Variants in AGBL4 observed in about 807,000 individuals in gnomAD.
AGBL4 encodes the protein cytosolic carboxypeptidase 6.
Under a neutral mutation model 66.4 loss-of-function variants are expected in AGBL4, and 58 were observed. The ratio of observed to expected loss-of-function variants is 0.87; its 90% CI spans 0.71 to 1.09. AGBL4 has a LOEUF of 1.09. Among genes scored for constraint, AGBL4 ranks in the 50% least tolerant of loss-of-function variants. The pLI, the probability that AGBL4 is intolerant of heterozygous loss-of-function variation, is 0.00. For synonymous variants in AGBL4, 234 were observed against 222.9 expected, an observed-to-expected ratio of 1.05 and a Z score of -0.44; for missense variants, 579 against 631.0, an observed-to-expected ratio of 0.92 and a Z score of 0.88.
At chr1:48,690,993 C>T (rs1019869617) in intron 6 of AGBL4, among the ~76,000 whole-genome samples, 4 of 151,702 alleles carry the variant, frequency 2.6e-5, no homozygotes, top group African/African-American at 9.7e-5. Context: ...GGTGAAACCC[C>T]GTCTCTACTA....
intron 1 of AGBL4, among the ~76,000 whole-genome samples, chr1:49,948,188 A>G (rs1481834890): frequency 2.0e-5 from 2 of 98,674 alleles, no homozygotes; most frequent in South Asian, 3.3e-4. Flanking sequence ...AACTATATAT[A>G]AATATATATA....
Position 49,833,865 on chromosome 1 carries a change from G to T in AGBL4, c.157+17531C>A, listed in dbSNP as rs372388519. On this transcript the variant is annotated intron_variant, in intron 2 of 13. Transcript: ENST00000371839. The stretch of plus-strand genomic sequence containing the variant: ...TTTTGTATCCTGAGACTCTGCTGAA[G>T]TTGCTTATCAGCTTAAGGAGATTTT... Among the ~76,000 whole-genome samples, 18 of 152,290 alleles carry T rather than the reference G, an allele frequency of 1.2e-4. No individual in the cohort carries two copies. The East Asian group carries it at 1.3e-3, about 11-fold the overall frequency.
At chr1:48,772,436 C>T (rs1022108175) in intron 6 of AGBL4, among the ~76,000 whole-genome samples, 12 of 152,150 alleles carry the variant, frequency 7.9e-5, no homozygotes, top group Non-Finnish European at 7.3e-5. Context: ...GCAGAGGCCC[C>T]ATATCAGACA....
At chr1:49,137,934 C>T (rs1277285039) in intron 4 of AGBL4, among the ~76,000 whole-genome samples, 10 of 151,832 alleles carry the variant, frequency 6.6e-5, no homozygotes, top group Non-Finnish European at 1.3e-4. Flanking sequence ...TTGAAGCTGC[C>T]TGAAAGAAAT....
intron 6 of AGBL4, among the ~76,000 whole-genome samples, chr1:48,733,692 T>A (rs1251432758): frequency 6.6e-6 from 1 of 152,180 alleles, no homozygotes; most frequent in African/African-American, 2.4e-5. Context: ...GCCCTGACTA[T>A]CTTACGAGGT....
chr1:49,648,692 A>G (rs1429867847), intron 3 of AGBL4, among the ~76,000 whole-genome samples: 2 of 152,086 alleles, frequency 1.3e-5, no homozygotes, highest in African/African-American at 4.8e-5. Flanking sequence ...CTATGCAAGC[A>G]AAAAGACAAC....
At chr1:49,985,381 T>C (rs2148393237) in intron 1 of AGBL4, among the ~76,000 whole-genome samples, 1 of 152,160 alleles carries the variant, frequency 6.6e-6, no homozygotes, top group East Asian at 1.9e-4. Context: ...CTGAGAAACA[T>C]ATTTAGAAGG....
intron 3 of AGBL4, among the ~76,000 whole-genome samples, chr1:49,446,951 G>A (rs1243006767): frequency 6.6e-6 from 1 of 152,084 alleles, no homozygotes; most frequent in Admixed American, 6.5e-5. Flanking sequence ...AGTGAGGCAG[G>A]GACCCCATCC....
intron 3 of AGBL4, among the ~76,000 whole-genome samples, chr1:49,343,566 GGCTTTGGGTTGTCCACCA>G (rs1645583033): frequency 6.6e-6 from 1 of 152,104 alleles, no homozygotes; most frequent in Non-Finnish European, 1.5e-5. Context: ...TAAACTAATT[GGCTTTGGGTTGTCCACCA>G]GCTTTGGGGA....
chr1:48,950,866 C>A (rs1362377284), intron 5 of AGBL4, among the ~76,000 whole-genome samples: 2 of 152,128 alleles, frequency 1.3e-5, no homozygotes, highest in African/African-American at 2.4e-5. Flanking sequence ...CTTATTTAAA[C>A]CTACTTCTAC....
At chr1:48,556,990 A>G (rs933757083) in intron 11 of AGBL4, among the ~76,000 whole-genome samples, 6 of 151,960 alleles carry the variant, frequency 3.9e-5, no homozygotes, top group Non-Finnish European at 7.4e-5. Context: ...GGATTTCACT[A>G]TGTTGCCCAG....
chr1:49,692,893 C>T (rs1228790707), intron 3 of AGBL4, among the ~76,000 whole-genome samples: 1 of 152,094 alleles, frequency 6.6e-6, no homozygotes, highest in Non-Finnish European at 1.5e-5. Context: ...CTATTACATA[C>T]ATCAGACGAC....
chr1:48,907,239 T>C (rs912919310), intron 5 of AGBL4, among the ~76,000 whole-genome samples: 1 of 152,218 alleles, frequency 6.6e-6, no homozygotes, highest in Non-Finnish European at 1.5e-5. Context: ...TTGGAGGGAA[T>C]CTTTCTCCTT....
At chr1:48,843,736 T>C (rs1646854804) in intron 6 of AGBL4, among the ~76,000 whole-genome samples, 1 of 151,992 alleles carries the variant, frequency 6.6e-6, no homozygotes, top group African/African-American at 2.4e-5. Flanking sequence ...AATGATCTAG[T>C]ATAAACTTCT....
At chr1:49,193,057 T>C (rs1647153422) in intron 4 of AGBL4, among the ~76,000 whole-genome samples, 1 of 152,236 alleles carries the variant, frequency 6.6e-6, no homozygotes, top group African/African-American at 2.4e-5. Flanking sequence ...ATGTTATCAG[T>C]TGTAATACCT....
chr1:49,412,352 CTCT>C (rs1295555602), intron 3 of AGBL4, among the ~76,000 whole-genome samples: 2 of 152,134 alleles, frequency 1.3e-5, no homozygotes, highest in African/African-American at 4.8e-5. Context: ...GCTCTTTGGA[CTCT>C]TCTTATAAGA....
chr1:49,312,252 T>C (rs1644954369), intron 3 of AGBL4, among the ~76,000 whole-genome samples: 1 of 152,030 alleles, frequency 6.6e-6, no homozygotes, highest in Non-Finnish European at 1.5e-5. Flanking sequence ...ATTTACTCCT[T>C]CCTTCCCTTC....
chr1:49,391,140 T>C (rs972956736), intron 3 of AGBL4, among the ~76,000 whole-genome samples: 5 of 152,124 alleles, frequency 3.3e-5, no homozygotes, highest in Admixed American at 6.5e-5. Flanking sequence ...GAACTGGTAA[T>C]AGTTGAGCAC....
chr1:49,909,396 G>T (rs1258484885), intron 1 of AGBL4, among the ~76,000 whole-genome samples: 1 of 152,158 alleles, frequency 6.6e-6, no homozygotes, highest in Admixed American at 6.5e-5. Context: ...TCCTTTGAGG[G>T]TGATTTGAGT....
Sources: allele counts gnomAD v4.1 joint callset (sites outside exome capture counted in the v4.1 genomes callset), GRCh38; gene constraint gnomAD v4.1.1; transcripts MANE v1.5; gene names NCBI Gene and HGNC (gene_info 2026-07-23, HGNC 2026-07-21).